ZCCHC8: variants seen among roughly 807,000 people sequenced by gnomAD.
The protein encoded by ZCCHC8 is zinc finger CCHC domain-containing protein 8.
In ZCCHC8, 27 loss-of-function variants were observed where a neutral mutation model predicts 70.6. The ratio of observed to expected loss-of-function variants is 0.38; its 90% CI spans 0.28 to 0.53. The LOEUF is 0.53. Among genes scored for constraint, ZCCHC8 ranks in the 20% least tolerant of loss-of-function variants. The probability of loss-of-function intolerance (pLI) is 0.81; values close to 1 mark genes in which losing one functional copy is unlikely to be tolerated. For missense variants in ZCCHC8, 737 were observed against 876.9 expected (o/e 0.84, Z 2.01); for synonymous variants, 293 against 317.4 (o/e 0.92, Z 0.82).
At chr12:122,487,859 A>G (rs1398049515) in intron 5 of ZCCHC8, among the ~76,000 whole-genome samples, 1 of 150,626 alleles carries the variant, frequency 6.6e-6, no homozygotes, top group East Asian at 1.9e-4. Flanking sequence ...CTATACATAC[A>G]TATATATATA....
chr12:122,477,459 C>T (rs563357760), intron 13 of ZCCHC8, among the ~76,000 whole-genome samples: 5 of 140,202 alleles, frequency 3.6e-5, no homozygotes, highest in Non-Finnish European at 7.8e-5. Flanking sequence ...CGGCTTAATT[C>T]ATGGTCTTTA....
intron 2 of ZCCHC8, among the ~76,000 whole-genome samples, chr12:122,495,087 T>C (rs932434480): frequency 2.0e-5 from 3 of 152,176 alleles, no homozygotes; most frequent in Non-Finnish European, 4.4e-5. Context: ...GAAATGTGCA[T>C]GGGATTAGAA....
rs1957548148 is a variant in ZCCHC8, at chr12:122,482,150, A to AT, written c.733-64dup. ...AACTCAGAAATATTTCAGAAATTAA[A>AT]TAAAAATACTTTTTTTTAGATCAAG... On this transcript the variant is annotated intron_variant, in intron 8 of 13. Transcript: ENST00000633063. 3 of 1,496,708 alleles carry AT rather than the reference A, an allele frequency of 2.0e-6. No homozygotes were observed. In the African/African-American group the frequency reaches 4.2e-5, roughly 21 times the overall value. The allele number at this position is 1,496,708 out of a possible 1,614,324, so 92.7% of individuals were successfully genotyped here. A position where few individuals can be genotyped will look rare whatever the true frequency, so the allele number is the denominator to read the frequency against.
In ZCCHC8 at chr12:122,490,537, T is replaced by G; in HGVS notation, c.348A>C (p.Val116=). The G allele has an allele frequency of 6.2e-7, 1 of 1,610,360 alleles. No homozygotes were observed. The highest frequency in any genetic ancestry group is 8.5e-7 in the Non-Finnish European group (1 of 1,177,984). The change falls in exon 4 of 14, where the codon GTA becomes GTC. Residue 116 remains valine, a synonymous_variant. Coordinates refer to ENST00000633063, the MANE Select transcript of ZCCHC8 (RefSeq NM_017612.5). The stretch of plus-strand genomic sequence containing the variant: ...CCTCAAATCTTTTTACTAAATTTGA[T>G]ACAAATTCCTCTATTTCTTGATGAT... ...KQYHQEIEEF[V]SNLVKRFEEQ...
rs1464551891 is a variant in ZCCHC8 at position 122,473,381 on chromosome 12, GGATA to G, written c.*112_*115del. The G allele has an allele frequency of 3.4e-6, 4 of 1,171,076 alleles. No homozygotes were observed. In the African/African-American group the frequency reaches 4.7e-5, roughly 14 times the overall value. The allele number at this position is 1,171,076 out of a possible 1,614,324, so 72.5% of individuals were successfully genotyped here. On this transcript the variant is annotated 3_prime_UTR_variant, in exon 14 of 14. Transcript: ENST00000633063. ...GGCTTGACTTTGGAACATGAACCTT[GGATA>G]GATTTTTAAACATGGGAGGGACAAA...
intron 8 of ZCCHC8, chr12:122,482,341 TCAAATA>T (rs1430652127): frequency 9.1e-6 from 4 of 441,934 alleles, no homozygotes; most frequent in Non-Finnish European, 1.6e-5. Flanking sequence ...TTTATTCATC[TCAAATA>T]CAAAGAGTAC....
intron 5 of ZCCHC8, among the ~76,000 whole-genome samples, chr12:122,486,629 G>A (rs1957647045): frequency 6.6e-6 from 1 of 151,822 alleles, no homozygotes; most frequent in African/African-American, 2.4e-5. Context: ...GAGTGAAGTG[G>A]CATGATCTCG....
intron 2 of ZCCHC8, among the ~76,000 whole-genome samples, chr12:122,493,919 TG>T (rs1957786474): frequency 6.6e-6 from 1 of 152,198 alleles, no homozygotes; most frequent in Non-Finnish European, 1.5e-5. Context: ...AGCCTGTGCC[TG>T]TATTTTTCTA....
At chr12:122,481,766 C>T in intron 9 of ZCCHC8, 102 bp from the exon 10 acceptor site, 1 of 1,398,862 alleles carries the variant, frequency 7.1e-7, no homozygotes, top group Non-Finnish European at 9.6e-7. Flanking sequence ...TATTACATAC[C>T]ATGACGTCTA....
At chr12:122,489,891 C>T (rs1358865047) in intron 4 of ZCCHC8, among the ~76,000 whole-genome samples, 4 of 151,672 alleles carry the variant, frequency 2.6e-5, no homozygotes, top group Non-Finnish European at 4.4e-5. Context: ...CAATAAAAAA[C>T]GTAATCAATC....
intron 10 of ZCCHC8, 50 bp from the exon 11 acceptor site, chr12:122,480,361 C>T (rs374227720): frequency 3.4e-6 from 5 of 1,479,614 alleles, no homozygotes; most frequent in Non-Finnish European, 4.5e-6. Context: ...CAATATATAT[C>T]CCTCCCCAGA....
intron 2 of ZCCHC8, among the ~76,000 whole-genome samples, chr12:122,495,191 C>T (rs1264070308): frequency 6.6e-6 from 1 of 152,074 alleles, no homozygotes; most frequent in Non-Finnish European, 1.5e-5. Context: ...TATATTTTCA[C>T]AATAAAAGTA....
intron 13 of ZCCHC8, 78 bp from the exon 14 acceptor site, chr12:122,474,353 G>A: frequency 7.8e-7 from 1 of 1,275,588 alleles, no homozygotes; most frequent in Non-Finnish European, 1.0e-6. Context: ...TTTGAACTCA[G>A]GTGTATCCAG....
At chr12:122,476,023 A>G (rs1490654469) in intron 13 of ZCCHC8, among the ~76,000 whole-genome samples, 1 of 152,198 alleles carries the variant, frequency 6.6e-6, no homozygotes, top group Admixed American at 6.5e-5. Flanking sequence ...AAGTTACCCT[A>G]TGACTTCATT....
chr12:122,476,671 G>T lies in ZCCHC8; in HGVS notation c.1345+1170C>A, dbSNP rs960611428. On this transcript the variant is annotated intron_variant, in intron 13 of 13. Transcript: ENST00000633063. ...GTACAAAACTGAAAATGCCTACACA[G>T]AAGTGTGTGACCCTGGTGACAGGGG... Among the ~76,000 whole-genome samples the T allele has an allele frequency of 4.0e-5, 6 of 151,890 alleles. No homozygotes were observed. The East Asian group carries it at 1.2e-3, about 30-fold the overall frequency.
intron 8 of ZCCHC8, 97 bp from the exon 9 acceptor site, chr12:122,482,184 T>C (rs918449947): frequency 1.2e-5 from 16 of 1,306,110 alleles, no homozygotes; most frequent in Non-Finnish European, 1.6e-5. Flanking sequence ...AGTAAACAGA[T>C]TATTTTAGTT....
At position 122,500,507 on chromosome 12, in the gene ZCCHC8, A is replaced by T. The variant is rs771149572; in HGVS notation, c.199+135T>A. ...CTCTCGGTCCGCCGGCGGGTGACAG[A>T]AAGCACTTGGAATTCTGGCCCTCCT... On this transcript the variant is annotated intron_variant, in intron 1 of 13. Transcript: ENST00000633063. The surrounding 1 kb of genome is among the most constrained non-coding windows in gnomAD (Gnocchi z 4.8). 39 of 1,160,728 alleles carry T rather than the reference A, an allele frequency of 3.4e-5. No individual in the cohort carries two copies. The highest frequency in any genetic ancestry group is 4.6e-5 in the Non-Finnish European group (39 of 850,332). 71.9% of individuals were successfully genotyped at this position (1,160,728 alleles called of 1,614,324 possible).
chr12:122,480,473 CT>C (rs63098963), intron 10 of ZCCHC8, 162 bp from the exon 11 acceptor site: 20,018 of 329,738 alleles, frequency 0.061, no homozygotes, highest in East Asian at 0.1. Context: ...TAGGACAGAA[CT>C]TTTTTTTTTT....
chr12:122,484,320 A>T (rs1379669943), intron 5 of ZCCHC8, among the ~76,000 whole-genome samples: 2 of 151,594 alleles, frequency 1.3e-5, no homozygotes, highest in Non-Finnish European at 1.5e-5. Context: ...CTGGTCTCAA[A>T]CTCCTGAGCT....
Sources: allele counts gnomAD v4.1 joint callset (sites outside exome capture counted in the v4.1 genomes callset), GRCh38; gene constraint gnomAD v4.1.1; non-coding constraint Gnocchi (gnomAD v3.1); transcripts MANE v1.5; gene names NCBI Gene and HGNC (gene_info 2026-07-23, HGNC 2026-07-21).